Variants in DAPK1 observed in about 807,000 individuals in gnomAD.
DAPK1 encodes death associated protein kinase 1, also known as death-associated protein kinase 1.
A neutral mutation model predicts 144.9 loss-of-function variants in DAPK1; 56 were observed. The observed-to-expected ratio is 0.39, with a 90% CI of 0.31 to 0.48. DAPK1 has a LOEUF of 0.48. Ranked by LOEUF, DAPK1 falls within the 20% of genes least tolerant of loss-of-function variation. The pLI is 0.95. For missense variants in DAPK1, 1,454 were observed against 1,875.4 expected (o/e 0.78, Z 4.15); for synonymous variants, 690 against 749.0 (o/e 0.92, Z 1.29).
At position 87,707,126 on chromosome 9, in the gene DAPK1, A is replaced by T. The variant is rs1203419578; in HGVS notation, c.4055A>T (p.Asp1352Val). 1.2e-6 allele frequency: 2 copies of T among 1,613,708 alleles called. No homozygotes were observed. The highest frequency in any genetic ancestry group is 1.7e-6 in the Non-Finnish European group (2 of 1,179,866). ...KYNTSNGAPK[D>V]FLPSPLHALL... ...AACACCAGTAACGGGGCTCCCAAGG[A>T]TTTCCTCCCCAGCCCCCTCCACGCC... Residue 1352 changes from aspartate (D) to valine (V), a missense_variant, in exon 26 of 26, where the codon GAT becomes GTT. Physicochemically the swap from Asp to Val is radical, Grantham distance 152. Around this residue, in one of 2 missense-constraint regions of DAPK1, gnomAD observed 1,025 missense variants for 1,237.9 expected, o/e 0.83. Coordinates refer to ENST00000408954, the MANE Select transcript of DAPK1 (RefSeq NM_004938.4). The surrounding 1 kb of genome is among the most constrained non-coding windows in gnomAD (Gnocchi z 4.0).
At chr9:87,638,180 A>G (rs1268557833) in intron 4 of DAPK1, 99 bp downstream of exon 4, 5 of 1,269,914 alleles carry the variant, frequency 3.9e-6, no homozygotes, top group Non-Finnish European at 5.4e-6. Flanking sequence ...GAGTTACATG[A>G]TTTTCCTGTA....
At chr9:87,611,482 A>G (rs1017181641) in intron 3 of DAPK1, among the ~76,000 whole-genome samples, 3 of 152,078 alleles carry the variant, frequency 2.0e-5, no homozygotes, top group African/African-American at 7.2e-5. Context: ...TTCTTGAGAC[A>G]GGGTCTCATT....
rs200646173 is a variant in DAPK1 at position 87,697,080 on chromosome 9, A to C, written c.2487A>C (p.Ala829=). The C allele has an allele frequency of 5.1e-5, 81 of 1,574,100 alleles. No homozygotes were observed. In the Middle Eastern group the frequency reaches 1.2e-3, roughly 23 times the overall value. The stretch of plus-strand genomic sequence containing the variant: ...TCTGCTGTTATGACTATTTTGCTGC[A>C]AATGATCCCACGTCAATCCATGTTG... ...VYFCCYDYFA[A]NDPTSIHVVV... is the part of the protein sequence containing the mutation. The change falls in exon 22 of 26, where the codon GCA becomes GCC. Residue 829 remains alanine, a synonymous_variant. Coordinates refer to ENST00000408954, the MANE Select transcript of DAPK1 (RefSeq NM_004938.4).
At chr9:87,626,255 AAC>A (rs1356714557) in intron 3 of DAPK1, among the ~76,000 whole-genome samples, 1 of 152,164 alleles carries the variant, frequency 6.6e-6, no homozygotes, top group Non-Finnish European at 1.5e-5. Flanking sequence ...GTCTCAACTA[AAC>A]ACAAAAAATT....
chr9:87,662,999 C>T (rs36215051), intron 18 of DAPK1, among the ~76,000 whole-genome samples: 9,754 of 152,108 alleles, frequency 0.064, 397 homozygotes, highest in East Asian at 0.17. Context: ...CCAGCACCTA[C>T]GCCTTCCTCC....
At chr9:87,616,824 C>G (rs181497379) in intron 3 of DAPK1, among the ~76,000 whole-genome samples, 84 of 152,326 alleles carry the variant, frequency 5.5e-4, no homozygotes, top group African/African-American at 1.8e-3. Flanking sequence ...GGCCACATGG[C>G]TGGAAACTGT....
intron 2 of DAPK1, among the ~76,000 whole-genome samples, chr9:87,595,190 G>T (rs1032676995): frequency 2.0e-5 from 3 of 152,188 alleles, no homozygotes; most frequent in Admixed American, 1.3e-4. Flanking sequence ...AAGGAAAAAG[G>T]TTTTGTGGTT....
intron 2 of DAPK1, among the ~76,000 whole-genome samples, chr9:87,572,751 T>C (rs1827405792): frequency 6.6e-6 from 1 of 152,154 alleles, no homozygotes; most frequent in Non-Finnish European, 1.5e-5. Context: ...GCCTGCAGAA[T>C]CGTGAGCCAA....
rs1564000772 is a variant in DAPK1 at position 87,571,469 on chromosome 9, A to ACCCC, written c.63-33484_63-33483insCCCC. Reference sequence around the variant, plus strand: ...CACACACACACACACACACACACACACACACCAACACACACACACACACAC... The same window carrying ACCCC: ...CACACACACACACACACACACACACACCCCCACACCAACACACACACACACACAC... On this transcript the variant is annotated intron_variant, in intron 2 of 25. Coordinates refer to ENST00000408954, the MANE Select transcript of DAPK1 (RefSeq NM_004938.4). Among the ~76,000 whole-genome samples the ACCCC allele has an allele frequency of 4.5e-3, 246 of 54,470 alleles. 8 individuals are homozygous for ACCCC. Among genetic ancestry groups the ACCCC allele is most frequent in the Middle Eastern group, 9.8e-3 (1 of 102 alleles). The allele number at this position is 54,470 out of a possible 152,430, so 35.7% of individuals were successfully genotyped here.
intron 25 of DAPK1, among the ~76,000 whole-genome samples, chr9:87,705,107 C>G (rs1825591257): frequency 6.6e-6 from 1 of 151,808 alleles, no homozygotes; most frequent in Admixed American, 6.6e-5. Context: ...GTTAAACATT[C>G]ACATAATGGT....
chr9:87,659,171 C>T (rs1340851391), intron 18 of DAPK1, among the ~76,000 whole-genome samples: 1 of 152,206 alleles, frequency 6.6e-6, no homozygotes, highest in Non-Finnish European at 1.5e-5. Context: ...CCCGAATGCA[C>T]TCATGTTACT....
At chr9:87,615,102 C>A (rs758936584) in intron 3 of DAPK1, among the ~76,000 whole-genome samples, 3 of 152,174 alleles carry the variant, frequency 2.0e-5, no homozygotes, top group Non-Finnish European at 4.4e-5. Context: ...CGTCCTTGAG[C>A]CCCTCAGAGC....
intron 2 of DAPK1, among the ~76,000 whole-genome samples, chr9:87,530,303 T>G (rs970881820): frequency 5.9e-5 from 9 of 152,230 alleles, no homozygotes; most frequent in African/African-American, 1.9e-4. Context: ...CTTTTAGTAT[T>G]AATCTCAAAG....
At chr9:87,682,480 G>T (rs751965460) in intron 20 of DAPK1, among the ~76,000 whole-genome samples, 7 of 152,192 alleles carry the variant, frequency 4.6e-5, no homozygotes, top group Non-Finnish European at 1.0e-4. Flanking sequence ...AGCCAGGTCT[G>T]TTCCCCAGGT....
intron 17 of DAPK1, among the ~76,000 whole-genome samples, chr9:87,652,075 A>T (rs79119237): frequency 3.3e-3 from 158 of 48,438 alleles, no homozygotes; most frequent in Admixed American, 4.7e-3. Context: ...TCTCACCTGA[A>T]CCCGGGTCCT....
chr9:87,671,529 C>G (rs978262068), intron 19 of DAPK1, among the ~76,000 whole-genome samples: 1 of 149,118 alleles, frequency 6.7e-6, no homozygotes, highest in Non-Finnish European at 1.5e-5. Context: ...GAGATGAGGT[C>G]TTGCTCTGCG....
intron 3 of DAPK1, among the ~76,000 whole-genome samples, chr9:87,614,432 G>T (rs966655204): frequency 6.6e-6 from 1 of 152,162 alleles, no homozygotes; most frequent in African/African-American, 2.4e-5. Context: ...GGAAACTGAG[G>T]CAATGCTGCT....
At chr9:87,642,935 G>A (rs1304901021) in intron 10 of DAPK1, among the ~76,000 whole-genome samples, 2 of 152,148 alleles carry the variant, frequency 1.3e-5, no homozygotes, top group African/African-American at 2.4e-5. Flanking sequence ...CAGCTGTTGC[G>A]TTTTGGTTAT....
At chr9:87,586,441 G>C (rs1355666912) in intron 2 of DAPK1, among the ~76,000 whole-genome samples, 1 of 151,952 alleles carries the variant, frequency 6.6e-6, no homozygotes, top group African/African-American at 2.4e-5. Context: ...TATGCATACA[G>C]TTATACTCTG....
Sources: gnomAD v4.1 joint callset for allele counts (sites outside exome capture counted in the v4.1 genomes callset) on GRCh38, gnomAD v4.1.1 for gene constraint, gnomAD v4.1.1 regional missense constraint, Gnocchi (gnomAD v3.1) non-coding constraint, MANE v1.5 for transcripts, NCBI Gene and HGNC (gene_info 2026-07-23, HGNC 2026-07-21) for gene names.